The following ARSG variants were observed in gnomAD, a reference collection of about 807,000 sequenced individuals.
ARSG encodes ASG.
In ARSG, 37 loss-of-function variants were observed where a neutral mutation model predicts 50.5. That is an observed-to-expected ratio of 0.73 (90% CI 0.56 to 0.96). ARSG has a LOEUF of 0.96. ARSG is among the 50% of genes least tolerant of loss of function. The pLI is 0.00. For synonymous variants in ARSG, 225 were observed against 254.6 expected (o/e 0.88, Z 1.11); for missense variants, 629 against 675.3 (o/e 0.93, Z 0.76).
chr17:68,333,279 G>A lies in ARSG; in HGVS notation c.219-10325G>A, dbSNP rs554057346. Reference sequence around the variant, plus strand: ...AGAGCTTGCAGCGAAGGGAGATCGCGCCACTGCACTCCAGCCTGGGCGACA... The same window carrying A: ...AGAGCTTGCAGCGAAGGGAGATCGCACCACTGCACTCCAGCCTGGGCGACA... On this transcript the variant is annotated intron_variant, in intron 2 of 11. Coordinates refer to ENST00000621439, the MANE Select transcript of ARSG (RefSeq NM_001267727.2). Among the ~76,000 whole-genome samples, 29 of 152,140 alleles carry A rather than the reference G, an allele frequency of 1.9e-4. No homozygotes were observed. The South Asian group carries it at 3.9e-3, about 21-fold the overall frequency.
chr17:68,290,488 A>G (rs2145218575), upstream of ARSG, among the ~76,000 whole-genome samples: 1 of 152,320 alleles, frequency 6.6e-6, no homozygotes, highest in Middle Eastern at 3.4e-3. Context: ...AGCCGCTGAC[A>G]GTTCTGACAG....
At chr17:68,388,711 G>A (rs2080843848) in intron 9 of ARSG, among the ~76,000 whole-genome samples, 2 of 152,126 alleles carry the variant, frequency 1.3e-5, no homozygotes, top group African/African-American at 2.4e-5. Context: ...CGGATCATGA[G>A]GTCAGGAGTT....
intron 8 of ARSG, among the ~76,000 whole-genome samples, chr17:68,377,435 C>T (rs955575680): frequency 3.9e-5 from 6 of 152,144 alleles, no homozygotes; most frequent in African/African-American, 9.7e-5. Context: ...CTTTCTACAT[C>T]GGTGGGAGGC....
intron 2 of ARSG, among the ~76,000 whole-genome samples, chr17:68,324,575 G>T (rs1437799953): frequency 3.3e-5 from 5 of 152,224 alleles, no homozygotes; most frequent in Admixed American, 2.6e-4. Context: ...CCCTGTAGGG[G>T]TCTGCAGTCT....
intron 2 of ARSG, among the ~76,000 whole-genome samples, chr17:68,314,972 C>T (rs905144656): frequency 6.6e-6 from 1 of 152,220 alleles, no homozygotes; most frequent in Admixed American, 6.5e-5. Context: ...TGAATCAACA[C>T]AACAGCTGCA....
At chr17:68,451,958 A>T in the ARSG span, among the ~76,000 whole-genome samples, 8 of 152,244 alleles carry the variant, frequency 5.3e-5, no homozygotes, top group Non-Finnish European at 8.8e-5. Context: ...AGAGCAAAAA[A>T]TTCACAAAAA....
chr17:68,427,514 G>A (rs1033845428), downstream of ARSG: 18 of 268,498 alleles, frequency 6.7e-5, 1 homozygote, highest in South Asian at 5.7e-4. Flanking sequence ...CCACCACAGC[G>A]CCTGGCTAAT....
chr17:68,402,868 C>T (rs956808641), intron 11 of ARSG, among the ~76,000 whole-genome samples: 1 of 152,152 alleles, frequency 6.6e-6, no homozygotes. Context: ...GGAACTCTTT[C>T]AGCACTTTAA....
downstream of ARSG, among the ~76,000 whole-genome samples, chr17:68,424,294 C>T (rs1194959586): frequency 6.6e-6 from 1 of 152,180 alleles, no homozygotes; most frequent in Non-Finnish European, 1.5e-5. Flanking sequence ...ACGCTGCGAC[C>T]GACCCGCAGA....
downstream of ARSG, among the ~76,000 whole-genome samples, chr17:68,423,835 C>G (rs942729917): frequency 3.9e-5 from 6 of 152,160 alleles, no homozygotes; most frequent in South Asian, 2.1e-4. The surrounding 1 kb of genome is among the most constrained non-coding windows in gnomAD (Gnocchi z 4.4). Context: ...CCACATTACC[C>G]CAATTCTGTA....
chr17:68,368,447 G>A, intron 6 of ARSG, 101 bp from the exon 7 acceptor site: 1 of 1,091,800 alleles, frequency 9.2e-7, no homozygotes, highest in Non-Finnish European at 1.4e-6. Context: ...TGGGGCAGAA[G>A]GAGCTTTGGG....
intron 9 of ARSG, among the ~76,000 whole-genome samples, chr17:68,389,883 T>C (rs1338783409): frequency 1.3e-5 from 2 of 152,176 alleles, no homozygotes; most frequent in African/African-American, 4.8e-5. Context: ...CTGAAGTCCA[T>C]GTGGTTCCTT....
intron 8 of ARSG, 131 bp from the exon 9 acceptor site, chr17:68,384,933 C>T (rs1263431083): frequency 4.5e-6 from 3 of 670,810 alleles, no homozygotes; most frequent in Non-Finnish European, 7.8e-6. Flanking sequence ...TAGCTGGTTA[C>T]CAAAAAAGTC....
chr17:68,294,658 C>A (rs1482196999), intron 1 of ARSG, among the ~76,000 whole-genome samples: 1 of 152,178 alleles, frequency 6.6e-6, no homozygotes, highest in East Asian at 1.9e-4. Flanking sequence ...CCACCATGCT[C>A]CCACCCAGGG....
chr17:68,338,241 G>A (rs895026919), intron 2 of ARSG, among the ~76,000 whole-genome samples: 1 of 152,142 alleles, frequency 6.6e-6, no homozygotes, highest in African/African-American at 2.4e-5. Context: ...GCGTGTGGGT[G>A]TCCCACACCT....
At chr17:68,320,867 T>G (rs1437852502) in intron 2 of ARSG, among the ~76,000 whole-genome samples, 2 of 152,190 alleles carry the variant, frequency 1.3e-5, no homozygotes, top group Non-Finnish European at 2.9e-5. Context: ...TATAGATGCC[T>G]ATGTGTATGT....
intron 1 of ARSG, among the ~76,000 whole-genome samples, chr17:68,298,450 C>G (rs1388639227): frequency 1.3e-5 from 2 of 151,886 alleles, no homozygotes; most frequent in African/African-American, 2.4e-5. Flanking sequence ...TAAAAATTAG[C>G]TGGGCATGGT....
intron 2 of ARSG, among the ~76,000 whole-genome samples, chr17:68,339,509 A>G (rs1202576739): frequency 6.6e-6 from 1 of 152,152 alleles, no homozygotes; most frequent in Non-Finnish European, 1.5e-5. Context: ...CACATGTTAC[A>G]TTTGGTTTTG....
In ARSG at chr17:68,420,179, C is replaced by T; in HGVS notation, c.1304-10C>T. On this transcript the variant is annotated splice_polypyrimidine_tract_variant and intron_variant, in intron 11 of 11. Transcript: ENST00000621439. ...GGTTAGCGAGGCATTTGTTGTCATT[C>T]CCTCTCTAGGTGGAGCCAGGGCGTG... 1.2e-6 allele frequency: 2 copies of T among 1,612,756 alleles called. No homozygotes were observed. The highest frequency in any genetic ancestry group is 4.5e-5 in the East Asian group (2 of 44,852).
Sources: gnomAD v4.1 joint callset for allele counts (sites outside exome capture counted in the v4.1 genomes callset) on GRCh38, gnomAD v4.1.1 for gene constraint, Gnocchi (gnomAD v3.1) non-coding constraint, MANE v1.5 for transcripts, NCBI Gene and HGNC (gene_info 2026-07-23, HGNC 2026-07-21) for gene names.